Variants in MYO18B observed in about 807,000 individuals in gnomAD.
MYO18B encodes the protein unconventional myosin-XVIIIb.
Under a neutral mutation model 273.0 loss-of-function variants are expected in MYO18B, and 204 were observed. That is an observed-to-expected ratio of 0.75 (90% CI 0.67 to 0.84). The LOEUF (loss-of-function observed/expected upper bound fraction) is 0.84, where lower values mean the gene tolerates loss of function less well. Among genes scored for constraint, MYO18B ranks in the 40% least tolerant of loss-of-function variants. The pLI is 0.00. For synonymous variants in MYO18B, 1,330 were observed against 1,305.7 expected (o/e 1.02, Z -0.40); for missense variants, 3,212 against 3,287.6 (o/e 0.98, Z 0.56).
chr22:25,796,350 C>T (rs1041876397), intron 11 of MYO18B, among the ~76,000 whole-genome samples: 2 of 151,920 alleles, frequency 1.3e-5, no homozygotes, highest in Non-Finnish European at 2.9e-5. Context: ...TTTCAGAGGC[C>T]ATGGTGGGAG....
chr22:25,904,457 G>A (rs1316130155), intron 31 of MYO18B, among the ~76,000 whole-genome samples: 1 of 152,184 alleles, frequency 6.6e-6, no homozygotes, highest in Non-Finnish European at 1.5e-5. Flanking sequence ...TCAGAGACAT[G>A]GAGAAAGTAT....
rs1601424655 is a variant in MYO18B at position 25,874,148 on chromosome 22, C to G, written c.3952-138C>G. The stretch of plus-strand genomic sequence containing the variant: ...AATGCTTTGATAATTTAGACTCCCC[C>G]ACCTCCCACTTAAAGGGCAACTGCC... On this transcript the variant is annotated intron_variant, in intron 22 of 43. Coordinates refer to ENST00000335473, the MANE Select transcript of MYO18B (RefSeq NM_032608.7). 7 of 987,664 alleles carry G rather than the reference C, an allele frequency of 7.1e-6. No homozygotes were observed. The Admixed American group carries it at 1.3e-4, about 18-fold the overall frequency. 61.2% of individuals were successfully genotyped at this position (987,664 alleles called of 1,614,324 possible). A position where few individuals can be genotyped will look rare whatever the true frequency, so the allele number is the denominator to read the frequency against.
At chr22:26,036,968 C>T in the MYO18B span, among the ~76,000 whole-genome samples, 1 of 152,204 alleles carries the variant, frequency 6.6e-6, no homozygotes, top group Non-Finnish European at 1.5e-5. Context: ...GAAGCACAGA[C>T]AAGTGGAGCT....
rs747093123 is a variant in MYO18B at position 26,004,840 on chromosome 22, G to A, written c.6455G>A (p.Arg2152His). ...TPSRQSATSS[R>H]ILSPRINEEA... is the part of the protein sequence containing the mutation. ...TCTCGACAGTCAGCCACCAGCAGCC[G>A]CATCCTCAGCCCCAGGTAAGAGTAT... Residue 2152 changes from arginine (R) to histidine (H), a missense_variant, in exon 42 of 44, where the codon CGC (arginine) becomes CAC (histidine). Arg to His is a conservative substitution (Grantham distance 29). Coordinates refer to ENST00000335473, the MANE Select transcript of MYO18B (RefSeq NM_032608.7). The A allele has an allele frequency of 1.3e-5, 21 of 1,613,316 alleles. No homozygotes were observed. The highest frequency in any genetic ancestry group is 1.0e-4 in the Admixed American group (6 of 59,954).
intron 42 of MYO18B, among the ~76,000 whole-genome samples, chr22:26,014,329 A>T (rs1294904575): frequency 6.6e-6 from 1 of 152,256 alleles, no homozygotes; most frequent in African/African-American, 2.4e-5. Context: ...TTATGTATAT[A>T]CGTCTGTCTA....
chr22:26,006,078 G>A (rs763191716), intron 42 of MYO18B, among the ~76,000 whole-genome samples: 4 of 152,316 alleles, frequency 2.6e-5, no homozygotes, highest in East Asian at 1.9e-4. Flanking sequence ...ATACCTTTGC[G>A]TTAGCCTGTC....
chr22:25,750,933 A>G (rs2085914186), intron 1 of MYO18B, among the ~76,000 whole-genome samples: 1 of 152,216 alleles, frequency 6.6e-6, no homozygotes, highest in Non-Finnish European at 1.5e-5. Context: ...GTGGCAGTCC[A>G]TGCTGGGAGG....
intron 31 of MYO18B, among the ~76,000 whole-genome samples, chr22:25,906,608 A>G (rs568013103): frequency 6.6e-5 from 10 of 152,340 alleles, no homozygotes; most frequent in East Asian, 3.9e-4. Flanking sequence ...CATTTCTACA[A>G]TGTAACCCAT....
At chr22:25,992,623 C>G (rs2093282073) in intron 40 of MYO18B, 130 bp downstream of exon 40, 1 of 1,224,002 alleles carries the variant, frequency 8.2e-7, no homozygotes, top group Non-Finnish European at 1.1e-6. Flanking sequence ...CTGGAGGCAC[C>G]CCTCGTTTAC....
At chr22:25,866,547 A>G (rs1197948491) in intron 21 of MYO18B, among the ~76,000 whole-genome samples, 2 of 152,126 alleles carry the variant, frequency 1.3e-5, no homozygotes, top group African/African-American at 4.8e-5. Flanking sequence ...GTGTGTATAG[A>G]ACAGTACTAT....
At chr22:25,842,488 C>A (rs1224243563) in intron 17 of MYO18B, among the ~76,000 whole-genome samples, 1 of 151,932 alleles carries the variant, frequency 6.6e-6, no homozygotes, top group Non-Finnish European at 1.5e-5. Context: ...GCCTGGCCAA[C>A]ATGGTGAAAC....
chr22:26,001,411 A>C (rs1297338353), intron 40 of MYO18B, among the ~76,000 whole-genome samples: 3 of 152,212 alleles, frequency 2.0e-5, no homozygotes, highest in Non-Finnish European at 4.4e-5. Context: ...GGAGAAAAAG[A>C]GGGTGCAATT....
chr22:25,911,111 G>T, intron 33 of MYO18B, 61 bp downstream of exon 33: 1 of 1,249,038 alleles, frequency 8.0e-7, no homozygotes, highest in South Asian at 1.3e-5. Flanking sequence ...TTGAGAGATG[G>T]GCTCATGGAG....
intron 12 of MYO18B, among the ~76,000 whole-genome samples, chr22:25,799,023 C>G (rs1282977459): frequency 6.6e-6 from 1 of 152,072 alleles, no homozygotes; most frequent in South Asian, 2.1e-4. Flanking sequence ...CTAGTTCTTA[C>G]CCTCTCCGTA....
chr22:25,843,625 T>C, intron 17 of MYO18B, 110 bp from the exon 18 acceptor site: 1 of 1,144,236 alleles, frequency 8.7e-7, no homozygotes, highest in Non-Finnish European at 1.2e-6. Flanking sequence ...CCATGAGCGT[T>C]AGCTATCTGG....
intron 1 of MYO18B, among the ~76,000 whole-genome samples, chr22:25,757,537 A>G (rs1204008150): frequency 6.6e-6 from 1 of 152,062 alleles, no homozygotes; most frequent in African/African-American, 2.4e-5. Flanking sequence ...CAGTGAGCCG[A>G]GACCGTGCCA....
In MYO18B at chr22:25,769,260, C is replaced by T; in HGVS notation, c.1344C>T (p.Pro448=). The change falls in exon 4 of 44, where the codon CCC becomes CCT. Residue 448 remains proline (P), a synonymous_variant. Transcript: ENST00000335473. Reference sequence around the variant, plus strand: ...GCCGTGGGCAGGAAGCAGAGGAGCCCTGCTCAAGAGCAGGTGATGGGGCTG... The same window carrying T: ...GCCGTGGGCAGGAAGCAGAGGAGCCTTGCTCAAGAGCAGGTGATGGGGCTG... ...PGSRGQEAEE[P]CSRAGDGAGA... 1 of 1,592,850 alleles carries T rather than the reference C, an allele frequency of 6.3e-7. No individual in the cohort carries two copies. The highest frequency in any genetic ancestry group is 1.1e-5 in the South Asian group (1 of 87,712).
In MYO18B at chr22:25,996,335, C is replaced by T. The variant is rs149781182; in HGVS notation, c.6287+3842C>T. ...ATAAAGTTTTACTGAGCACCTGTTG[C>T]GTGCGAGATGCTGTGTTAAGTGCTT... On this transcript the variant is annotated intron_variant, in intron 40 of 43. Transcript: ENST00000335473. Among the ~76,000 whole-genome samples, 36 of 152,288 alleles carry T rather than the reference C, an allele frequency of 2.4e-4. No individual in the cohort carries two copies. In the East Asian group the frequency reaches 3.5e-3, roughly 15 times the overall value.
rs572817595 is a variant in MYO18B at position 25,781,708 on chromosome 22, T to C, written c.2212-26T>C. On this transcript the variant is annotated intron_variant, in intron 9 of 43. Coordinates refer to ENST00000335473, the MANE Select transcript of MYO18B (RefSeq NM_032608.7). ...GTGCAGATGTACCCAAAGCACTGACTGGGTGCCCCTCTTCTCTCCCTGCAG... is the reference window on the plus strand; with the variant it reads ...GTGCAGATGTACCCAAAGCACTGACCGGGTGCCCCTCTTCTCTCCCTGCAG... 5.4e-6 allele frequency: 8 copies of C among 1,479,190 alleles called. No individual in the cohort carries two copies. In the South Asian group the frequency reaches 8.5e-5, roughly 16 times the overall value. The allele number at this position is 1,479,190 out of a possible 1,614,324, so 91.6% of individuals were successfully genotyped here.
Sources: gnomAD v4.1 joint callset for allele counts (sites outside exome capture counted in the v4.1 genomes callset) on GRCh38, gnomAD v4.1.1 for gene constraint, MANE v1.5 for transcripts, NCBI Gene and HGNC (gene_info 2026-07-23, HGNC 2026-07-21) for gene names.